EDIL3: variants seen among roughly 807,000 people sequenced by gnomAD.
EDIL3 encodes the protein EGF like and discoidin domains 3, also known as EGF-like repeat and discoidin I-like domain-containing protein 3.
In EDIL3, 37 loss-of-function variants were observed where a neutral mutation model predicts 67.4. That is an observed-to-expected ratio of 0.55 (90% CI 0.42 to 0.72). EDIL3 has a LOEUF of 0.72. Ranked by LOEUF, EDIL3 falls within the 30% of genes least tolerant of loss-of-function variation. The pLI, the probability that EDIL3 is intolerant of heterozygous loss-of-function variation, is 0.00. For synonymous variants in EDIL3, 195 were observed against 196.3 expected (o/e 0.99, Z 0.05); for missense variants, 527 against 586.3 (o/e 0.90, Z 1.04).
At chr5:84,041,056 G>A (rs549610108) in intron 9 of EDIL3, among the ~76,000 whole-genome samples, 3 of 152,004 alleles carry the variant, frequency 2.0e-5, no homozygotes, top group South Asian at 2.1e-4. Flanking sequence ...GCTTGAGTCC[G>A]GGAAGTGGGG....
chr5:84,053,557 G>A lies in EDIL3; in HGVS notation c.1137+6743C>T, dbSNP rs535980363. Among the ~76,000 whole-genome samples the A allele has an allele frequency of 8.9e-4, 136 of 152,090 alleles. 1 individual carries two copies. The East Asian group carries it at 0.019, about 22-fold the overall frequency. On this transcript the variant is annotated intron_variant, in intron 9 of 10. Coordinates refer to ENST00000296591, the MANE Select transcript of EDIL3 (RefSeq NM_005711.5). Reference sequence around the variant, plus strand: ...AAAAGATCAACAAAATTGATAGACCGCTAGCAAGACTAATAAAGAAGAAAA... The same window carrying A: ...AAAAGATCAACAAAATTGATAGACCACTAGCAAGACTAATAAAGAAGAAAA...
At chr5:84,133,567 C>T (rs540907745) in intron 5 of EDIL3, among the ~76,000 whole-genome samples, 1 of 151,374 alleles carries the variant, frequency 6.6e-6, no homozygotes, top group Non-Finnish European at 1.5e-5. Flanking sequence ...ACCCAGGAGG[C>T]AGTGAGCCGA....
chr5:84,259,006 G>A lies in EDIL3; in HGVS notation c.68-4794C>T, dbSNP rs117061964. 9.8e-4 allele frequency among the ~76,000 whole-genome samples: 115 copies of A among 117,526 alleles called. No individual in the cohort carries two copies. In the East Asian group the frequency reaches 0.025, roughly 26 times the overall value. 77.1% of individuals were successfully genotyped at this position (117,526 alleles called of 152,430 possible). The stretch of plus-strand genomic sequence containing the variant: ...TTTTTTTTTTTTGAGACAGAGTCTC[G>A]CTCTGTGCAGTGGCGCGATCTCAGC... On this transcript the variant is annotated intron_variant, in intron 1 of 10. Transcript: ENST00000296591.
intron 3 of EDIL3, among the ~76,000 whole-genome samples, chr5:84,205,193 G>T (rs1743941534): frequency 6.6e-6 from 1 of 151,722 alleles, no homozygotes; most frequent in Non-Finnish European, 1.5e-5. Flanking sequence ...TGGGATTACA[G>T]GTGTTAGCCA....
chr5:83,981,345 T>C (rs114382790), intron 9 of EDIL3, among the ~76,000 whole-genome samples: 1,720 of 152,190 alleles, frequency 0.011, 16 homozygotes, highest in Middle Eastern at 0.041. Flanking sequence ...TGGAAATAAG[T>C]ATGTATTTGA....
intron 1 of EDIL3, among the ~76,000 whole-genome samples, chr5:84,380,278 TC>T (rs1256778830): frequency 2.0e-5 from 3 of 151,688 alleles, no homozygotes; most frequent in Non-Finnish European, 4.4e-5. Context: ...ATGCTAAGCG[TC>T]TTCCTTAAAA....
chr5:84,317,550 G>A (rs1396733321), intron 1 of EDIL3, among the ~76,000 whole-genome samples: 4 of 152,128 alleles, frequency 2.6e-5, no homozygotes, highest in Admixed American at 1.3e-4. Context: ...CTAGGAAGAA[G>A]TCGAATCTCT....
At chr5:84,383,733 T>C (rs1478758046) in intron 1 of EDIL3, among the ~76,000 whole-genome samples, 1 of 152,128 alleles carries the variant, frequency 6.6e-6, no homozygotes, top group African/African-American at 2.4e-5. Flanking sequence ...AGGAGAAAGC[T>C]GAAGTGACCT....
intron 9 of EDIL3, among the ~76,000 whole-genome samples, chr5:83,994,667 T>C (rs1212012949): frequency 1.3e-5 from 2 of 152,166 alleles, no homozygotes; most frequent in African/African-American, 2.4e-5. Context: ...CAACACCACA[T>C]TGCTTAGTTC....
At chr5:84,042,193 A>C (rs1163870253) in intron 9 of EDIL3, among the ~76,000 whole-genome samples, 1 of 152,192 alleles carries the variant, frequency 6.6e-6, no homozygotes, top group Non-Finnish European at 1.5e-5. Flanking sequence ...TAATGGCTAT[A>C]AATATCACTT....
rs151120889 is a variant in EDIL3 at position 84,001,555 on chromosome 5, C to CA, written c.1138-38196dup. The stretch of plus-strand genomic sequence containing the variant: ...ACTTTTAGCCTTACTCCCCCACTGC[C>CA]AAAAAAAAAGAGACAAGACCCAAAT... On this transcript the variant is annotated intron_variant, in intron 9 of 10. Transcript: ENST00000296591. Among the ~76,000 whole-genome samples the CA allele has an allele frequency of 5.3e-3, 790 of 148,456 alleles. 9 individuals are homozygous for CA. The highest frequency in any genetic ancestry group is 8.9e-3 in the Non-Finnish European group (595 of 66,856).
chr5:84,320,039 A>C (rs2112154434), intron 1 of EDIL3, among the ~76,000 whole-genome samples: 1 of 152,230 alleles, frequency 6.6e-6, no homozygotes, highest in African/African-American at 2.4e-5. Context: ...ATTAGGAGAA[A>C]TACCTAATGT....
intron 9 of EDIL3, among the ~76,000 whole-genome samples, chr5:84,012,313 G>T (rs1745531495): frequency 6.6e-6 from 1 of 152,028 alleles, no homozygotes; most frequent in South Asian, 2.1e-4. Context: ...TTGTTTGTTT[G>T]ATTTATAAAT....
intron 6 of EDIL3, among the ~76,000 whole-genome samples, chr5:84,073,309 C>A (rs1746779955): frequency 6.6e-6 from 1 of 152,100 alleles, no homozygotes; most frequent in Admixed American, 6.5e-5. Flanking sequence ...CCCTCTCTCA[C>A]CACTCCTATT....
At chr5:84,282,027 C>A (rs530565145) in intron 1 of EDIL3, among the ~76,000 whole-genome samples, 2 of 149,406 alleles carry the variant, frequency 1.3e-5, no homozygotes, top group South Asian at 2.1e-4. Context: ...CCACTACACC[C>A]AGCTAATTTT....
At chr5:84,360,838 A>T (rs560519471) in intron 1 of EDIL3, among the ~76,000 whole-genome samples, 1 of 152,192 alleles carries the variant, frequency 6.6e-6, no homozygotes, top group Admixed American at 6.5e-5. Context: ...AAACAGAAAG[A>T]ATGCAAATAT....
intron 1 of EDIL3, among the ~76,000 whole-genome samples, chr5:84,351,296 C>T (rs1025221611): frequency 6.6e-6 from 1 of 152,034 alleles, no homozygotes; most frequent in Non-Finnish European, 1.5e-5. Flanking sequence ...TTATCTGCTC[C>T]AAAATCTATA....
chr5:84,072,939 C>G (rs1746768570), intron 6 of EDIL3, among the ~76,000 whole-genome samples: 1 of 151,798 alleles, frequency 6.6e-6, no homozygotes, highest in Non-Finnish European at 1.5e-5. Context: ...GCATACTCCC[C>G]AAAATTTTAA....
At chr5:84,250,160 G>A (rs979523844) in intron 2 of EDIL3, among the ~76,000 whole-genome samples, 2 of 152,146 alleles carry the variant, frequency 1.3e-5, no homozygotes, top group South Asian at 2.1e-4. Flanking sequence ...TAATGCCTTC[G>A]AATTCAAGAA....
Sources: allele counts gnomAD v4.1 joint callset (sites outside exome capture counted in the v4.1 genomes callset), GRCh38; gene constraint gnomAD v4.1.1; transcripts MANE v1.5; gene names NCBI Gene and HGNC (gene_info 2026-07-23, HGNC 2026-07-21).